The following SCCPDH variants were observed in gnomAD, a reference collection of about 807,000 sequenced individuals.
SCCPDH encodes the protein saccharopine dehydrogenase-like oxidoreductase.
In SCCPDH, 34 loss-of-function variants were observed where a neutral mutation model predicts 51.5. The ratio of observed to expected loss-of-function variants is 0.66; its 90% CI spans 0.50 to 0.88. SCCPDH has a LOEUF of 0.88. Ranked by LOEUF, SCCPDH falls within the 40% of genes least tolerant of loss-of-function variation. SCCPDH has a pLI of 0.00. For synonymous variants in SCCPDH, 187 were observed against 191.3 expected, an observed-to-expected ratio of 0.98 and a Z score of 0.19; for missense variants, 464 against 527.1, an observed-to-expected ratio of 0.88 and a Z score of 1.17.
At chr1:246,761,167 C>T (rs945644779) in intron 9 of SCCPDH, among the ~76,000 whole-genome samples, 44 of 152,062 alleles carry the variant, frequency 2.9e-4, no homozygotes, top group African/African-American at 1.0e-3. Flanking sequence ...TGATATGTTC[C>T]CTGTACAAGG....
chr1:246,734,594 C>A (rs979649430), intron 2 of SCCPDH, among the ~76,000 whole-genome samples: 1 of 152,090 alleles, frequency 6.6e-6, no homozygotes. Flanking sequence ...CAGTGTTATC[C>A]GCCATTCTTA....
Position 246,724,545 on chromosome 1 carries a change from C to A in SCCPDH, c.123C>A (p.Pro41=). The A allele has an allele frequency of 1.3e-6, 2 of 1,549,430 alleles. No individual in the cohort carries two copies. Among genetic ancestry groups the A allele is most frequent in the Non-Finnish European group, 1.7e-6 (2 of 1,150,380 alleles). ...ACCCGGAGCGGAGCTCCCGCCTGCC[C>A]TGGGCCGTGGCGGGCCGCTCCCGGG... ...QVDPERSSRL[P]WAVAGRSREK... The change falls in exon 1 of 12, where the codon CCC becomes CCA. Residue 41 remains proline, a synonymous_variant. Coordinates refer to ENST00000366510, the MANE Select transcript of SCCPDH (RefSeq NM_016002.3).
rs572392917 is a variant in SCCPDH at position 246,744,058 on chromosome 1, A to G, written c.515-18A>G. On this transcript the variant is annotated intron_variant, in intron 4 of 11. Coordinates refer to ENST00000366510, the MANE Select transcript of SCCPDH (RefSeq NM_016002.3). ...ATGTTATTTTATTTTGCTTTTTACC[A>G]TTCTCCTACTCTTTTAGGTACTTTG... The G allele has an allele frequency of 5.3e-6, 8 of 1,513,872 alleles. No individual in the cohort carries two copies. The highest frequency in any genetic ancestry group is 2.3e-5 in the South Asian group (2 of 85,624). 93.8% of individuals were successfully genotyped at this position (1,513,872 alleles called of 1,614,324 possible).
intron 9 of SCCPDH, among the ~76,000 whole-genome samples, chr1:246,762,854 A>G (rs1040483982): frequency 4.0e-5 from 6 of 151,720 alleles, no homozygotes; most frequent in African/African-American, 9.7e-5. Context: ...AAAAAAAAAA[A>G]AAAAAAAAGA....
At chr1:246,738,371 C>T (rs1228815177) in intron 3 of SCCPDH, among the ~76,000 whole-genome samples, 1 of 151,506 alleles carries the variant, frequency 6.6e-6, no homozygotes, top group Admixed American at 6.6e-5. Context: ...GTTAGCTGGG[C>T]GTGGTGGTGC....
intron 5 of SCCPDH, among the ~76,000 whole-genome samples, chr1:246,752,684 C>G (rs1010094483): frequency 1.3e-5 from 2 of 151,780 alleles, no homozygotes; most frequent in Non-Finnish European, 2.9e-5. Context: ...TTGACCATAC[C>G]TTGGGATGAA....
At chr1:246,750,103 T>G (rs1387859228) in intron 5 of SCCPDH, among the ~76,000 whole-genome samples, 1 of 152,228 alleles carries the variant, frequency 6.6e-6, no homozygotes, top group Admixed American at 6.5e-5. Flanking sequence ...GTCCATCCTC[T>G]TTCTGCTGTT....
chr1:246,748,119 T>C (rs1668789791), intron 5 of SCCPDH, among the ~76,000 whole-genome samples: 1 of 152,104 alleles, frequency 6.6e-6, no homozygotes, highest in African/African-American at 2.4e-5. Flanking sequence ...CTTTATCCTC[T>C]AAAAGAAAAA....
intron 3 of SCCPDH, among the ~76,000 whole-genome samples, chr1:246,739,679 T>C (rs1031755520): frequency 1.3e-5 from 2 of 152,176 alleles, no homozygotes; most frequent in East Asian, 3.9e-4. Flanking sequence ...CTCTCTACTA[T>C]TCAATTTTTC....
At chr1:246,750,000 A>G (rs980753579) in intron 5 of SCCPDH, among the ~76,000 whole-genome samples, 2 of 152,100 alleles carry the variant, frequency 1.3e-5, no homozygotes, top group African/African-American at 2.4e-5. Context: ...GGAGGTTCAA[A>G]CCCATTTTCG....
chr1:246,738,069 G>A (rs942813175), intron 3 of SCCPDH, among the ~76,000 whole-genome samples: 2 of 152,226 alleles, frequency 1.3e-5, no homozygotes, highest in South Asian at 2.1e-4. Context: ...GGTGGTGCAC[G>A]TCTGCAATCC....
intron 4 of SCCPDH, among the ~76,000 whole-genome samples, chr1:246,743,444 A>G (rs1668710069): frequency 1.3e-5 from 2 of 151,734 alleles, no homozygotes; most frequent in Non-Finnish European, 2.9e-5. Flanking sequence ...TTAGCCGGGC[A>G]TGGTGGTACG....
chr1:246,745,187 C>T (rs977388986), intron 5 of SCCPDH, among the ~76,000 whole-genome samples: 3 of 152,120 alleles, frequency 2.0e-5, no homozygotes, highest in Admixed American at 6.6e-5. Flanking sequence ...ACGTTGGGAA[C>T]GTAAGACATT....
At chr1:246,754,121 T>C (rs980286448) in intron 5 of SCCPDH, among the ~76,000 whole-genome samples, 1 of 151,990 alleles carries the variant, frequency 6.6e-6, no homozygotes, top group African/African-American at 2.4e-5. Flanking sequence ...GCTCCTCGCA[T>C]TCACACACAC....
chr1:246,745,240 A>G (rs909930705), intron 5 of SCCPDH, among the ~76,000 whole-genome samples: 1 of 152,214 alleles, frequency 6.6e-6, no homozygotes, highest in Non-Finnish European at 1.5e-5. Flanking sequence ...GGAAAGGACC[A>G]TGTTTTATGA....
At chr1:246,733,619 A>G (rs1668527175) in intron 2 of SCCPDH, among the ~76,000 whole-genome samples, 2 of 151,944 alleles carry the variant, frequency 1.3e-5, no homozygotes, top group Non-Finnish European at 2.9e-5. Flanking sequence ...GAGGCTACAC[A>G]TTGAAGCACG....
chr1:246,735,159 G>T (rs994096200), intron 2 of SCCPDH, among the ~76,000 whole-genome samples: 1 of 152,086 alleles, frequency 6.6e-6, no homozygotes, highest in African/African-American at 2.4e-5. Flanking sequence ...AATTCTTCTG[G>T]AAAGCCAAGT....
At chr1:246,743,994 A>G (rs1480797449) in intron 4 of SCCPDH, 82 bp from the exon 5 acceptor site, 5 of 780,232 alleles carry the variant, frequency 6.4e-6, no homozygotes, top group Admixed American at 2.2e-5. Context: ...CCCTAAGTGA[A>G]TACGCATTGT....
intron 4 of SCCPDH, among the ~76,000 whole-genome samples, chr1:246,743,850 T>C (rs1668717127): frequency 6.6e-6 from 1 of 152,212 alleles, no homozygotes. Flanking sequence ...CTAATAGAGA[T>C]AGAGTTTATG....
Sources: allele counts gnomAD v4.1 joint callset (sites outside exome capture counted in the v4.1 genomes callset), GRCh38; gene constraint gnomAD v4.1.1; transcripts MANE v1.5; gene names NCBI Gene and HGNC (gene_info 2026-07-23, HGNC 2026-07-21).